The following HAUS5 variants were observed in gnomAD, a reference collection of about 807,000 sequenced individuals.
The protein encoded by HAUS5 is HAUS augmin-like complex subunit 5.
HAUS5 carries 67 observed loss-of-function variants against 94.1 expected under a neutral mutation model. The observed-to-expected ratio is 0.71, with a 90% CI of 0.58 to 0.87. The LOEUF (loss-of-function observed/expected upper bound fraction) is 0.87, where lower values mean the gene tolerates loss of function less well. Ranked by LOEUF, HAUS5 falls within the 40% of genes least tolerant of loss-of-function variation. The pLI is 0.00. For missense variants in HAUS5, 739 were observed against 825.6 expected (o/e 0.90, Z 1.29); for synonymous variants, 339 against 355.4 (o/e 0.95, Z 0.52).
chr19:35,620,202 A>G lies in HAUS5; in HGVS notation c.1526A>G (p.Glu509Gly). The G allele has an allele frequency of 6.2e-7, 1 of 1,613,518 alleles. No individual in the cohort carries two copies. The highest frequency in any genetic ancestry group is 8.5e-7 in the Non-Finnish European group (1 of 1,179,798). Residue 509 changes from glutamate (E) to glycine (G), a missense_variant, in exon 17 of 19, where the codon GAG becomes GGG. Coordinates refer to ENST00000203166, the MANE Select transcript of HAUS5 (RefSeq NM_015302.2). ...CCTTCCCTCCTCCTCCAGGCCTCGG[A>G]GCTGCTCCTGCCGGCGGCTGCCTCT... ...KLGLPPGKAS[E>G]LLLPAAASLR...
intron 12 of HAUS5, 23 bp from the exon 13 acceptor site, chr19:35,618,864 G>A (rs1967153130): frequency 1.3e-6 from 2 of 1,585,264 alleles, no homozygotes; most frequent in South Asian, 1.1e-5. Context: ...TCTCTCCTTT[G>A]CTCTCCTCCA....
Position 35,623,127 on chromosome 19 carries a change from G to A in HAUS5, c.*134G>A, listed in dbSNP as rs751529582. ...CCACCCGCACCTGCAGTCCCCTCAT[G>A]TGCTGTTCTGCTGCCCCACTCAGCT... is the stretch of plus-strand genomic sequence containing the variant. On this transcript the variant is annotated 3_prime_UTR_variant, in exon 19 of 19. Transcript: ENST00000203166. 132 of 653,436 alleles carry A rather than the reference G, an allele frequency of 2.0e-4. 1 individual carries two copies. The South Asian group carries it at 2.4e-3, about 12-fold the overall frequency. The allele number at this position is 653,436 out of a possible 1,614,324, so 40.5% of individuals were successfully genotyped here. A position where few individuals can be genotyped will look rare whatever the true frequency, so the allele number is the denominator to read the frequency against.
intron 6 of HAUS5, among the ~76,000 whole-genome samples, chr19:35,616,901 A>G (rs1436230872): frequency 6.6e-6 from 1 of 152,240 alleles, no homozygotes; most frequent in East Asian, 1.9e-4. Flanking sequence ...CAGTTTTAAC[A>G]GAATCACTGA....
Position 35,617,110 on chromosome 19 carries a change from A to G in HAUS5, c.486-14A>G. The G allele has an allele frequency of 6.2e-7, 1 of 1,610,828 alleles. No homozygotes were observed. Among genetic ancestry groups the G allele is most frequent in the Non-Finnish European group, 8.5e-7 (1 of 1,177,700 alleles). ...TCCCAGGGACCCCAGCCCCAGCTGCACTTCTCCCTCCAGGAAAGCCAAAGT... is the reference window on the plus strand; with the variant it reads ...TCCCAGGGACCCCAGCCCCAGCTGCGCTTCTCCCTCCAGGAAAGCCAAAGT... On this transcript the variant is annotated splice_polypyrimidine_tract_variant and intron_variant, in intron 6 of 18. Transcript: ENST00000203166.
rs1555716089 is a variant in HAUS5, at chr19:35,624,443, C to CTTTTCG, written c.*1455_*1456insGTTTTC. ...TGAAATGGCTGGATTCTCTTAGGTG[C>CTTTTCG]TTTTCTTTTTCTTTCTTTCTTTCTT... On this transcript the variant is annotated 3_prime_UTR_variant, in exon 19 of 19. Coordinates refer to ENST00000203166, the MANE Select transcript of HAUS5 (RefSeq NM_015302.2). 6.7e-6 allele frequency: 1 copy of CTTTTCG among 150,112 alleles called. No homozygotes were observed. The highest frequency in any genetic ancestry group is 1.5e-5 in the Non-Finnish European group (1 of 67,560). The allele number at this position is 150,112 out of a possible 1,614,324, so 9.3% of individuals were successfully genotyped here. A position where few individuals can be genotyped will look rare whatever the true frequency, so the allele number is the denominator to read the frequency against.
Position 35,618,189 on chromosome 19 carries a change from T to A in HAUS5, c.815T>A (p.Ile272Lys). Residue 272 changes from isoleucine (I) to lysine (K), a missense_variant, in exon 10 of 19, where the codon ATA becomes AAA. Physicochemically the swap from Ile to Lys is moderately radical, Grantham distance 102. Transcript: ENST00000203166. ...GGGGATGGGCTTGGCGACACAGAGA[T>A]ATCCAGGTGTGGGGCAGGGTATTCT... ...CSGDGLGDTE[I>K]SRPQAPDQSD... is the part of the protein sequence containing the mutation. The A allele has an allele frequency of 6.2e-7, 1 of 1,600,658 alleles. No individual in the cohort carries two copies. Among genetic ancestry groups the A allele is most frequent in the African/African-American group, 1.3e-5 (1 of 74,812 alleles).
chr19:35,615,248 G>A lies in HAUS5; in HGVS notation c.347G>A (p.Arg116His), dbSNP rs758403914. The A allele has an allele frequency of 1.0e-4, 164 of 1,613,964 alleles. No individual in the cohort carries two copies. Among genetic ancestry groups the A allele is most frequent in the Middle Eastern group, 1.6e-4 (1 of 6,084 alleles). Residue 116 changes from arginine to histidine, a missense_variant, in exon 6 of 19, where the codon CGT becomes CAT. Arg to His is a conservative substitution (Grantham distance 29). Transcript: ENST00000203166. ...ACAGACACGGCCATGGAGCAGGCAC[G>A]TCAGCACACTCAAGACACCCAGCGT... is the stretch of plus-strand genomic sequence containing the variant. ...EAQDTAMEQARQHTQDTQRRA... is the reference protein window; with the variant it reads ...EAQDTAMEQAHQHTQDTQRRA...
At chr19:35,621,266 GC>G (rs760628931) in intron 17 of HAUS5, among the ~76,000 whole-genome samples, 8 of 152,176 alleles carry the variant, frequency 5.3e-5, no homozygotes, top group African/African-American at 9.7e-5. Flanking sequence ...AATGAGAGCA[GC>G]CCCAGACCCC....
chr19:35,622,549 G>T (rs1035407291), intron 17 of HAUS5, 52 bp from the exon 18 acceptor site: 1 of 1,589,428 alleles, frequency 6.3e-7, no homozygotes, highest in Non-Finnish European at 8.6e-7. Context: ...TTGCTGTAAG[G>T]TACCAGCGAG....
At chr19:35,618,330 G>A in intron 10 of HAUS5, 72 bp from the exon 11 acceptor site, 1 of 1,606,060 alleles carries the variant, frequency 6.2e-7, no homozygotes, top group Non-Finnish European at 8.5e-7. Context: ...TGGCAGGACT[G>A]ATACTGTCCA....
chr19:35,617,732 G>T (rs2071957255), intron 8 of HAUS5, 123 bp from the exon 9 acceptor site: 2 of 828,326 alleles, frequency 2.4e-6, no homozygotes, highest in South Asian at 3.0e-5. Context: ...TGGTATAATT[G>T]GGGAACTCAA....
chr19:35,618,325 G>C (rs2146338154), intron 10 of HAUS5, 77 bp from the exon 11 acceptor site: 1 of 1,604,964 alleles, frequency 6.2e-7, no homozygotes, highest in Non-Finnish European at 8.5e-7. Flanking sequence ...TGGGGTGGCA[G>C]GACTGATACT....
In HAUS5 at chr19:35,624,097, C is replaced by G. The variant is rs796308135; in HGVS notation, c.*1104C>G. 4.6e-5 allele frequency: 4 copies of G among 86,340 alleles called. No homozygotes were observed. The highest frequency in any genetic ancestry group is 4.2e-4 in the Admixed American group (3 of 7,094). The allele number at this position is 86,340 out of a possible 1,614,324, so 5.3% of individuals were successfully genotyped here. On this transcript the variant is annotated 3_prime_UTR_variant, in exon 19 of 19. Coordinates refer to ENST00000203166, the MANE Select transcript of HAUS5 (RefSeq NM_015302.2). ...ACATTGTCATATCTGTTCTTGTTTT[C>G]TTTTGTTTTTTTTTTTTTTTTTTTT...
At chr19:35,613,594 A>C in intron 1 of HAUS5, 136 bp from the exon 2 acceptor site, 1 of 648,682 alleles carries the variant, frequency 1.5e-6, no homozygotes. Flanking sequence ...AAAAAAAGGC[A>C]AAAAAAAGTT....
chr19:35,616,282 C>T (rs999393118), intron 6 of HAUS5, among the ~76,000 whole-genome samples: 10 of 151,154 alleles, frequency 6.6e-5, no homozygotes, highest in Non-Finnish European at 1.3e-4. Context: ...TGCACCACTG[C>T]ACTCCAGCCT....
At chr19:35,614,432 A>G (rs1264532284) in intron 4 of HAUS5, among the ~76,000 whole-genome samples, 1 of 152,096 alleles carries the variant, frequency 6.6e-6, no homozygotes, top group Non-Finnish European at 1.5e-5. Flanking sequence ...TAAAAATAAA[A>G]AATTAGCCAG....
Position 35,620,023 on chromosome 19 carries a change from T to C in HAUS5, c.1418T>C (p.Leu473Pro), listed in dbSNP as rs770141211. The change falls in exon 16 of 19, where the codon CTG becomes CCG. Residue 473 changes from leucine to proline, a missense_variant. By Grantham distance (98) the Leu-to-Pro change is moderately conservative (BLOSUM62 -3). Coordinates refer to ENST00000203166, the MANE Select transcript of HAUS5 (RefSeq NM_015302.2). ...CTCCCCGCCCGTAGGTTGAAGCCCC[T>C]GCCCACGGTCCTCCCATCCATCCAC... ...LRHRPGELKPLPTVLPSIHQL... is the reference protein window; with the variant it reads ...LRHRPGELKPPPTVLPSIHQL... The C allele has an allele frequency of 3.7e-6, 6 of 1,604,576 alleles. No individual in the cohort carries two copies. In the Admixed American group the frequency reaches 1.0e-4, roughly 27 times the overall value.
In HAUS5 at chr19:35,617,322, G is replaced by C. The variant is rs1487761014; in HGVS notation, c.591G>C (p.Gln197His). The C allele has an allele frequency of 6.2e-7, 1 of 1,613,924 alleles. No homozygotes were observed. The highest frequency in any genetic ancestry group is 1.3e-5 in the African/African-American group (1 of 74,924). The change falls in exon 8 of 19, where the codon CAG becomes CAC. Residue 197 changes from glutamine (Q) to histidine (H), a missense_variant. Transcript: ENST00000203166. Reference protein sequence around the residue: ...DVRTACTLRAQFLQNLLLPQA... With the variant: ...DVRTACTLRAHFLQNLLLPQA... ...GAACAGCCTGCACCCTCCGGGCCCA[G>C]TTCCTGCAGAACCTCCTGCTTCCCC...
chr19:35,620,384 C>T, intron 17 of HAUS5, 57 bp downstream of exon 17: 3 of 1,534,728 alleles, frequency 2.0e-6, no homozygotes, highest in Non-Finnish European at 2.7e-6. Context: ...TACCAGCAGC[C>T]TCCACGAGTC....
Sources: allele counts gnomAD v4.1 joint callset (sites outside exome capture counted in the v4.1 genomes callset), GRCh38; gene constraint gnomAD v4.1.1; transcripts MANE v1.5; gene names NCBI Gene and HGNC (gene_info 2026-07-23, HGNC 2026-07-21).